The following C4orf36 variants were observed in gnomAD, a reference collection of about 807,000 sequenced individuals.
C4orf36 encodes the protein uncharacterized protein C4orf36.
A neutral mutation model predicts 12.2 loss-of-function variants in C4orf36; 11 were observed. The observed-to-expected ratio is 0.90, with a 90% CI of 0.57 to 1.49. C4orf36 has a LOEUF of 1.49. Ranked by LOEUF, C4orf36 falls within the 40% of genes most tolerant of loss-of-function variation. The pLI, the probability that C4orf36 is intolerant of heterozygous loss-of-function variation, is 0.00. For synonymous variants in C4orf36, 54 were observed against 51.3 expected (o/e 1.05, Z -0.22); for missense variants, 137 against 133.9 (o/e 1.02, Z -0.11).
chr4:86,881,291 TTTAA>T (rs2149419891), intron 4 of C4orf36, among the ~76,000 whole-genome samples: 1 of 152,312 alleles, frequency 6.6e-6, no homozygotes, highest in Admixed American at 6.5e-5. Context: ...TGTTATCAGT[TTTAA>T]TTAAATTGTT....
chr4:86,918,358 TCTC>T, the C4orf36 span, among the ~76,000 whole-genome samples: 1 of 152,144 alleles, frequency 6.6e-6, no homozygotes, highest in East Asian at 1.9e-4. Flanking sequence ...TGTAGTGCCA[TCTC>T]CTCCACAGCC....
At chr4:86,916,935 T>C in the C4orf36 span, among the ~76,000 whole-genome samples, 1 of 152,168 alleles carries the variant, frequency 6.6e-6, no homozygotes, top group Non-Finnish European at 1.5e-5. Flanking sequence ...CTTAGTCTGT[T>C]TGAGCTCCAG....
At chr4:86,898,753 G>GGAA in the C4orf36 span, among the ~76,000 whole-genome samples, 1 of 152,092 alleles carries the variant, frequency 6.6e-6, no homozygotes, top group Non-Finnish European at 1.5e-5. Flanking sequence ...AGGAGGTGGT[G>GGAA]CTCTATGATC....
Position 86,876,426 on chromosome 4 carries a change from T to C in C4orf36, c.*20A>G, listed in dbSNP as rs1240869937. Reference sequence around the variant, plus strand: ...GCCGGCGCTGCTGAGTTTCTTCATCTACAATCCGCGCTTCAGGCTGCGCAA... The same window carrying C: ...GCCGGCGCTGCTGAGTTTCTTCATCCACAATCCGCGCTTCAGGCTGCGCAA... On this transcript the variant is annotated 3_prime_UTR_variant, in exon 5 of 5. Transcript: ENST00000295898. 25 of 1,613,178 alleles carry C rather than the reference T, an allele frequency of 1.5e-5. No homozygotes were observed. Among genetic ancestry groups the C allele is most frequent in the Non-Finnish European group, 2.1e-5 (25 of 1,179,526 alleles).
the C4orf36 span, among the ~76,000 whole-genome samples, chr4:86,912,487 G>A: frequency 4.6e-5 from 7 of 152,188 alleles, no homozygotes; most frequent in Admixed American, 2.0e-4. Flanking sequence ...ACAAGTTCCT[G>A]TGTTCTTACT....
Position 86,876,380 on chromosome 4 carries a change from G to C in C4orf36, c.*66C>G. 6.2e-7 allele frequency: 1 copy of C among 1,604,404 alleles called. No individual in the cohort carries two copies. The highest frequency in any genetic ancestry group is 8.5e-7 in the Non-Finnish European group (1 of 1,175,884). ...CCGGGGCCGGGAGCGGGTCCTGGGC[G>C]GCCCAGGAGAAGCAGTTCCCGCCGG... On this transcript the variant is annotated 3_prime_UTR_variant, in exon 5 of 5. Coordinates refer to ENST00000295898, the MANE Select transcript of C4orf36 (RefSeq NM_144645.4).
At chr4:86,891,738 AT>A in intron 1 of C4orf36, 145 bp from the exon 2 acceptor site, 1 of 814,368 alleles carries the variant, frequency 1.2e-6, no homozygotes, top group Non-Finnish European at 1.7e-6. Context: ...GTTCTCTTTC[AT>A]TTTTCCATGA....
chr4:86,921,439 G>T, the C4orf36 span, among the ~76,000 whole-genome samples: 1 of 152,058 alleles, frequency 6.6e-6, no homozygotes, highest in Non-Finnish European at 1.5e-5. Context: ...AAAAAACAGG[G>T]CTGTAGTAGG....
chr4:86,898,221 G>A, the C4orf36 span, among the ~76,000 whole-genome samples: 5 of 152,056 alleles, frequency 3.3e-5, no homozygotes, highest in East Asian at 1.9e-4. Context: ...GTGAAACCCC[G>A]TCTCTACTAA....
intron 4 of C4orf36, among the ~76,000 whole-genome samples, chr4:86,881,917 A>G (rs544107388): frequency 6.6e-6 from 1 of 152,100 alleles, no homozygotes; most frequent in Non-Finnish European, 1.5e-5. Flanking sequence ...ATCTCAGGTG[A>G]TCCACCCATC....
chr4:86,910,909 CA>C, the C4orf36 span, among the ~76,000 whole-genome samples: 3 of 149,714 alleles, frequency 2.0e-5, no homozygotes, highest in Non-Finnish European at 3.0e-5. Flanking sequence ...ACTAAAGATA[CA>C]AAAAAAATAG....
At chr4:86,931,718 T>A in the C4orf36 span, among the ~76,000 whole-genome samples, 1 of 152,164 alleles carries the variant, frequency 6.6e-6, no homozygotes, top group African/African-American at 2.4e-5. Flanking sequence ...CTATTTTTAA[T>A]CATAAGTATA....
the C4orf36 span, among the ~76,000 whole-genome samples, chr4:86,927,431 T>C: frequency 6.6e-6 from 1 of 151,866 alleles, no homozygotes; most frequent in Non-Finnish European, 1.5e-5. Context: ...TACGTACAAG[T>C]GAAAATCAAG....
chr4:86,909,850 T>C, the C4orf36 span, among the ~76,000 whole-genome samples: 1 of 134,800 alleles, frequency 7.4e-6, no homozygotes, highest in East Asian at 2.2e-4. Flanking sequence ...TTCCTTAAAT[T>C]AAGGTGATTT....
the C4orf36 span, chr4:86,914,516 T>A: frequency 2.1e-6 from 1 of 481,778 alleles, no homozygotes; most frequent in East Asian, 4.3e-5. Flanking sequence ...TTCTCCTGCC[T>A]CAGCCTCCCG....
intron 4 of C4orf36, among the ~76,000 whole-genome samples, chr4:86,877,268 TTTTAAC>T (rs1220095771): frequency 6.6e-6 from 1 of 152,228 alleles, no homozygotes; most frequent in African/African-American, 2.4e-5. Context: ...TTTTTCCACA[TTTTAAC>T]CAGTTAACAA....
At chr4:86,903,069 CT>C in the C4orf36 span, among the ~76,000 whole-genome samples, 1 of 152,140 alleles carries the variant, frequency 6.6e-6, no homozygotes, top group Non-Finnish European at 1.5e-5. Context: ...AGATAATTGC[CT>C]TCTCATTATT....
the C4orf36 span, among the ~76,000 whole-genome samples, chr4:86,919,315 C>CCTT: frequency 1.2e-5 from 1 of 81,354 alleles, no homozygotes; most frequent in Non-Finnish European, 2.1e-5. Flanking sequence ...TTTTTTCCCC[C>CCTT]TTTTTTTTTT....
chr4:86,887,902 G>A lies in C4orf36; in HGVS notation c.221-9C>T. On this transcript the variant is annotated splice_polypyrimidine_tract_variant and intron_variant, in intron 3 of 4. Transcript: ENST00000295898. Reference sequence around the variant, plus strand: ...CCTTTCGAGTTTGATAGCTGAAAAAGAAAATACACAAAACAATCTGACATA... The same window carrying A: ...CCTTTCGAGTTTGATAGCTGAAAAAAAAAATACACAAAACAATCTGACATA... 1 of 1,613,634 alleles carries A rather than the reference G, an allele frequency of 6.2e-7. No homozygotes were observed. The highest frequency in any genetic ancestry group is 8.5e-7 in the Non-Finnish European group (1 of 1,179,918).
Sources: allele counts gnomAD v4.1 joint callset (sites outside exome capture counted in the v4.1 genomes callset), GRCh38; gene constraint gnomAD v4.1.1; transcripts MANE v1.5; gene names NCBI Gene and HGNC (gene_info 2026-07-23, HGNC 2026-07-21).